AP1S1: variants seen among roughly 807,000 people sequenced by gnomAD.
The protein encoded by AP1S1 is AP-1 complex subunit sigma-1A.
In AP1S1, 13 loss-of-function variants were observed where a neutral mutation model predicts 23.9. The ratio of observed to expected loss-of-function variants is 0.54; its 90% confidence interval spans 0.35 to 0.86. The LOEUF (loss-of-function observed/expected upper bound fraction) is 0.86, where lower values mean the gene tolerates loss of function less well. AP1S1 is among the 40% of genes least tolerant of loss of function. The probability of loss-of-function intolerance (pLI) is 0.01; values close to 1 mark genes in which losing one functional copy is unlikely to be tolerated. For synonymous variants in AP1S1, 84 were observed against 77.7 expected (o/e 1.08, Z -0.43); for missense variants, 119 against 197.6 (o/e 0.60, Z 2.38).
rs1797084441 is a variant in AP1S1, at chr7:101,160,652, GT to G, written c.*87del. 4 of 1,507,848 alleles carry G rather than the reference GT, an allele frequency of 2.7e-6. No individual in the cohort carries two copies. The highest frequency in any genetic ancestry group is 1.7e-5 in the Admixed American group (1 of 58,166). 93.4% of individuals were successfully genotyped at this position (1,507,848 alleles called of 1,614,324 possible). A position where few individuals can be genotyped will look rare whatever the true frequency, so the allele number is the denominator to read the frequency against. On this transcript the variant is annotated 3_prime_UTR_variant, in exon 5 of 5. Transcript: ENST00000337619. ...TCCTCTGCCCAGGGCCCTGTTCTTG[GT>G]GGGACTCGGCTGCCCCTCCTCTGCT...
intron 4 of AP1S1, among the ~76,000 whole-genome samples, chr7:101,159,966 A>G (rs1440457582): frequency 3.6e-5 from 5 of 138,340 alleles, no homozygotes; most frequent in East Asian, 4.5e-4. Context: ...CCACACACGC[A>G]CACACACACA....
At chr7:101,154,627 C>T (rs1008834958) in intron 1 of AP1S1, 110 bp downstream of exon 1, 1 of 1,405,152 alleles carries the variant, frequency 7.1e-7, no homozygotes. Flanking sequence ...CCCTCTGGTC[C>T]TCAGAGGCCT....
At chr7:101,159,951 C>T (rs1225966150) in intron 4 of AP1S1, among the ~76,000 whole-genome samples, 1 of 143,212 alleles carries the variant, frequency 7.0e-6, no homozygotes, top group Non-Finnish European at 1.5e-5. Flanking sequence ...TCGAGCTTCA[C>T]CTTCCCACAC....
At position 101,160,813 on chromosome 7, in the gene AP1S1, G is replaced by A; in HGVS notation, c.*247G>A. ...GCAGGAAAATGTGACCCAGATGGGG[G>A]TGCTATTTGGCTTTTATTCCCTGCC... is the stretch of plus-strand genomic sequence containing the variant. On this transcript the variant is annotated 3_prime_UTR_variant, in exon 5 of 5. Transcript: ENST00000337619. 1.5e-6 allele frequency: 1 copy of A among 685,836 alleles called. No individual in the cohort carries two copies. The highest frequency in any genetic ancestry group is 1.5e-5 in the South Asian group (1 of 66,644). The allele number at this position is 685,836 out of a possible 1,614,324, so 42.5% of individuals were successfully genotyped here.
chr7:101,157,484 G>C lies in AP1S1; in HGVS notation c.290G>C (p.Ser97Thr). ...YVELLDKYFG[S>T]VCELDIIFNF... is the part of the protein sequence containing the mutation. ...GAGCTCTTAGACAAATACTTTGGCA[G>C]TGTAAGTCTCCTCTGCCCACCAGTT... The change falls in exon 3 of 5, where the codon AGT becomes ACT. Residue 97 changes from serine to threonine, a missense_variant and splice_region_variant. Transcript: ENST00000337619. The C allele has an allele frequency of 6.4e-7, 1 of 1,554,114 alleles. No individual in the cohort carries two copies. Among genetic ancestry groups the C allele is most frequent in the Non-Finnish European group, 8.7e-7 (1 of 1,147,544 alleles).
Position 101,159,054 on chromosome 7 carries a change from C to T in AP1S1, c.292-5C>T. ...GCTCAACTTAGCCTCTCCCCGCCCTCCCAGGTGTGCGAGCTGGACATCATC... is the reference window on the plus strand; with the variant it reads ...GCTCAACTTAGCCTCTCCCCGCCCTTCCAGGTGTGCGAGCTGGACATCATC... On this transcript the variant is annotated splice_polypyrimidine_tract_variant and splice_region_variant and intron_variant, in intron 3 of 4. Transcript: ENST00000337619. 1.2e-6 allele frequency: 2 copies of T among 1,612,720 alleles called. No homozygotes were observed. Among genetic ancestry groups the T allele is most frequent in the Non-Finnish European group, 1.7e-6 (2 of 1,179,326 alleles).
In AP1S1 at chr7:101,160,954, TA is replaced by T. The variant is rs1190965512; in HGVS notation, c.*390del. 3.0e-6 allele frequency: 1 copy of T among 335,074 alleles called. No homozygotes were observed. Among genetic ancestry groups the T allele is most frequent in the Admixed American group, 4.0e-5 (1 of 25,032 alleles). The allele number at this position is 335,074 out of a possible 1,614,324, so 20.8% of individuals were successfully genotyped here. On this transcript the variant is annotated 3_prime_UTR_variant, in exon 5 of 5. Transcript: ENST00000337619. ...GGCACTTCTTGTCCTCTCTGTCCCA[TA>T]ACCTACCTCCACCCTCCCCCTAGCC...
intron 1 of AP1S1, 152 bp downstream of exon 1, chr7:101,154,669 C>T (rs1337834688): frequency 4.8e-6 from 2 of 412,968 alleles, no homozygotes; most frequent in Admixed American, 8.6e-5. Context: ...GAGCCGGGCT[C>T]GGGAGGAAGA....
intron 4 of AP1S1, among the ~76,000 whole-genome samples, chr7:101,159,943 G>A (rs560471239): frequency 1.3e-4 from 19 of 143,892 alleles, no homozygotes; most frequent in African/African-American, 4.8e-4. Flanking sequence ...CTCACTGGTC[G>A]AGCTTCACCT....
In AP1S1 at chr7:101,157,301, G is replaced by A. The variant is rs1017849186; in HGVS notation, c.183-76G>A. The A allele has an allele frequency of 4.0e-6, 5 of 1,241,290 alleles. No individual in the cohort carries two copies. In the African/African-American group the frequency reaches 6.0e-5, roughly 15 times the overall value. 76.9% of individuals were successfully genotyped at this position (1,241,290 alleles called of 1,614,324 possible). On this transcript the variant is annotated intron_variant, in intron 2 of 4. Coordinates refer to ENST00000337619, the MANE Select transcript of AP1S1 (RefSeq NM_001283.5). ...CCAGGGCACAGACCACCTCCAGGCT[G>A]GTGAGAGGTTTGAGACCAGAATGCC... is the stretch of plus-strand genomic sequence containing the variant.
At chr7:101,155,081 G>A (rs1338539202) in intron 1 of AP1S1, 17 of 966,856 alleles carry the variant, frequency 1.8e-5, no homozygotes, top group East Asian at 1.1e-4. Flanking sequence ...CAGGCTTTGG[G>A]ATCCCGGGCT....
At chr7:101,156,119 C>G (rs919270613) in intron 1 of AP1S1, among the ~76,000 whole-genome samples, 1 of 152,142 alleles carries the variant, frequency 6.6e-6, no homozygotes, top group African/African-American at 2.4e-5. Context: ...GTAATCCCAG[C>G]TACTCAGGAG....
At chr7:101,160,304 C>G (rs1378216620) in intron 4 of AP1S1, among the ~76,000 whole-genome samples, 1 of 152,088 alleles carries the variant, frequency 6.6e-6, no homozygotes, top group Non-Finnish European at 1.5e-5. Flanking sequence ...TGGACCCCCC[C>G]TGCCACTGTT....
chr7:101,160,895 T>G lies in AP1S1; in HGVS notation c.*329T>G. On this transcript the variant is annotated 3_prime_UTR_variant, in exon 5 of 5. Coordinates refer to ENST00000337619, the MANE Select transcript of AP1S1 (RefSeq NM_001283.5). ...TCCCTCCCTAATAACTGTAAATATA[T>G]AAATATGTCAGGTTAAAGGGAAAAG... is the stretch of plus-strand genomic sequence containing the variant. 1 of 509,720 alleles carries G rather than the reference T, an allele frequency of 2.0e-6. No homozygotes were observed. Among genetic ancestry groups the G allele is most frequent in the Non-Finnish European group, 3.8e-6 (1 of 266,064 alleles). The allele number at this position is 509,720 out of a possible 1,614,324, so 31.6% of individuals were successfully genotyped here.
At chr7:101,159,572 C>A in intron 4 of AP1S1, 1 of 187,324 alleles carries the variant, frequency 5.3e-6, no homozygotes. Context: ...CCTGGTAGGT[C>A]ATTCTTTTCT....
intron 4 of AP1S1, 106 bp downstream of exon 4, chr7:101,159,302 C>T: frequency 6.7e-7 from 1 of 1,485,594 alleles, no homozygotes; most frequent in Non-Finnish European, 9.0e-7. Flanking sequence ...CCAAGGAGCC[C>T]CCCCTCCCTG....
chr7:101,160,304 C>A (rs1378216620), intron 4 of AP1S1, among the ~76,000 whole-genome samples: 1 of 152,088 alleles, frequency 6.6e-6, no homozygotes, highest in East Asian at 1.9e-4. Flanking sequence ...TGGACCCCCC[C>A]TGCCACTGTT....
chr7:101,157,435 C>T lies in AP1S1; in HGVS notation c.241C>T (p.Leu81=). The T allele has an allele frequency of 6.3e-7, 1 of 1,580,902 alleles. No individual in the cohort carries two copies. Among genetic ancestry groups the T allele is most frequent in the Non-Finnish European group, 8.6e-7 (1 of 1,163,344 alleles). The change falls in exon 3 of 5, where the codon CTG becomes TTG. Residue 81 remains leucine, a synonymous_variant. Coordinates refer to ENST00000337619, the MANE Select transcript of AP1S1 (RefSeq NM_001283.5). ...IEGQDNELIT[L]ELIHRYVELL... ...GGGCCAAGACAATGAGCTCATCACA[C>T]TGGAGCTGATCCACCGATACGTGGA...
At position 101,159,131 on chromosome 7, in the gene AP1S1, G is replaced by A. The variant is rs763466485; in HGVS notation, c.364G>A (p.Asp122Asn). 4.2e-5 allele frequency: 68 copies of A among 1,613,680 alleles called. No individual in the cohort carries two copies. The highest frequency in any genetic ancestry group is 5.6e-5 in the Non-Finnish European group (66 of 1,179,804). Residue 122 changes from aspartate (D) to asparagine (N), a missense_variant, in exon 4 of 5, where the codon GAT becomes AAT. Physicochemically the swap from Asp to Asn is conservative, Grantham distance 23. Transcript: ENST00000337619. ...CCTGGATGAGTTTTTGATGGGGGGG[G>A]ATGTCCAGGACACCTCCAAGAAGAG... ...FILDEFLMGGDVQDTSKKSVL... is the reference protein window; with the variant it reads ...FILDEFLMGGNVQDTSKKSVL...
Sources: allele counts gnomAD v4.1 joint callset (sites outside exome capture counted in the v4.1 genomes callset), GRCh38; gene constraint gnomAD v4.1.1; transcripts MANE v1.5; gene names NCBI Gene and HGNC (gene_info 2026-07-23, HGNC 2026-07-21).